Variants in RAP1GDS1 observed in about 807,000 individuals in gnomAD.
The protein encoded by RAP1GDS1 is RAP1, GTP-GDP dissociation stimulator 1.
A neutral mutation model predicts 71.1 loss-of-function variants in RAP1GDS1; 35 were observed. That is an observed-to-expected ratio of 0.49 (90% CI 0.38 to 0.65). The LOEUF (loss-of-function observed/expected upper bound fraction) is 0.65, where lower values mean the gene tolerates loss of function less well. RAP1GDS1 is among the 30% of genes least tolerant of loss of function. The pLI is 0.00. For synonymous variants in RAP1GDS1, 229 were observed against 243.1 expected (o/e 0.94, Z 0.54); for missense variants, 663 against 706.1 (o/e 0.94, Z 0.69).
At chr4:98,340,564 A>T (rs1735347240) in intron 2 of RAP1GDS1, among the ~76,000 whole-genome samples, 1 of 152,044 alleles carries the variant, frequency 6.6e-6, no homozygotes, top group Non-Finnish European at 1.5e-5. Context: ...CCTGGCCAAC[A>T]TAGCAAAACC....
At chr4:98,370,985 G>A (rs1264875320) in intron 4 of RAP1GDS1, among the ~76,000 whole-genome samples, 2 of 152,140 alleles carry the variant, frequency 1.3e-5, no homozygotes, top group Non-Finnish European at 1.5e-5. Context: ...CAAAGCCTAA[G>A]TTAAAACTTA....
intron 2 of RAP1GDS1, among the ~76,000 whole-genome samples, chr4:98,298,471 A>G (rs1242112906): frequency 6.6e-6 from 1 of 152,154 alleles, no homozygotes. Context: ...GCATTCATTT[A>G]CCATTCTGAA....
Position 98,419,259 on chromosome 4 carries a change from G to A in RAP1GDS1, c.1174+468G>A, listed in dbSNP as rs1748463625. Among the ~76,000 whole-genome samples, 3 of 151,418 alleles carry A rather than the reference G, an allele frequency of 2.0e-5. No homozygotes were observed. In the South Asian group the frequency reaches 6.3e-4, roughly 32 times the overall value. On this transcript the variant is annotated intron_variant, in intron 10 of 14. Transcript: ENST00000408927. ...TGTAGAAACAGGATCTCACTATGTTGCCTAGGCTGGTCTTGAACTCCTGGG... is the reference window on the plus strand; with the variant it reads ...TGTAGAAACAGGATCTCACTATGTTACCTAGGCTGGTCTTGAACTCCTGGG...
intron 1 of RAP1GDS1, among the ~76,000 whole-genome samples, chr4:98,282,022 T>A (rs1259346739): frequency 6.6e-6 from 1 of 152,218 alleles, no homozygotes; most frequent in Admixed American, 6.5e-5. Flanking sequence ...AGTATTTTAT[T>A]GAAGATGTTT....
chr4:98,361,140 G>T (rs6828936), intron 4 of RAP1GDS1, among the ~76,000 whole-genome samples: 21,092 of 149,806 alleles, frequency 0.14, 2,157 homozygotes, highest in African/African-American at 0.28. Flanking sequence ...GTTTTTACCC[G>T]TTGAGAAACT....
At chr4:98,299,619 G>T (rs552385583) in intron 2 of RAP1GDS1, among the ~76,000 whole-genome samples, 62 of 144,890 alleles carry the variant, frequency 4.3e-4, no homozygotes, top group African/African-American at 9.1e-4. Flanking sequence ...AAAGAAAGTG[G>T]TTTTTTTTTT....
chr4:98,417,011 G>A, intron 8 of RAP1GDS1, 123 bp downstream of exon 8: 2 of 1,137,692 alleles, frequency 1.8e-6, no homozygotes, highest in South Asian at 1.6e-5. Context: ...CTATTGAGGT[G>A]ATGATTTTGA....
At chr4:98,344,824 T>C in intron 3 of RAP1GDS1, among the ~76,000 whole-genome samples, 1 of 152,010 alleles carries the variant, frequency 6.6e-6, no homozygotes, top group Non-Finnish European at 1.5e-5. Context: ...TGAGTGTTTT[T>C]GTTTGTTTGT....
chr4:98,435,797 C>T (rs973403981), intron 13 of RAP1GDS1, among the ~76,000 whole-genome samples: 1 of 151,818 alleles, frequency 6.6e-6, no homozygotes, highest in African/African-American at 2.4e-5. Flanking sequence ...GAGTTAATAT[C>T]GGTATAAGTC....
chr4:98,435,292 G>T (rs898251571), intron 13 of RAP1GDS1, among the ~76,000 whole-genome samples: 1 of 152,162 alleles, frequency 6.6e-6, no homozygotes, highest in Non-Finnish European at 1.5e-5. Flanking sequence ...AGTGTGTAAT[G>T]ATCAAGTCAA....
chr4:98,324,798 G>A (rs1388100916), intron 2 of RAP1GDS1, among the ~76,000 whole-genome samples: 1 of 150,414 alleles, frequency 6.6e-6, no homozygotes, highest in African/African-American at 2.5e-5. Context: ...TTAAACGTTA[G>A]ACCTAAAACC....
At chr4:98,424,907 A>G (rs996430205) in intron 12 of RAP1GDS1, among the ~76,000 whole-genome samples, 3 of 152,228 alleles carry the variant, frequency 2.0e-5, no homozygotes, top group African/African-American at 7.2e-5. Flanking sequence ...ATTCATTGCA[A>G]AAAGATCATT....
intron 7 of RAP1GDS1, among the ~76,000 whole-genome samples, chr4:98,407,659 A>G (rs1746336696): frequency 6.6e-6 from 1 of 152,136 alleles, no homozygotes; most frequent in African/African-American, 2.4e-5. Flanking sequence ...GATAGAATGG[A>G]CTTTGGAGAC....
At chr4:98,417,544 GTTTATT>G in intron 9 of RAP1GDS1, 46 bp downstream of exon 9, 2 of 1,577,228 alleles carry the variant, frequency 1.3e-6, no homozygotes, top group Non-Finnish European at 1.7e-6. Context: ...CTCTATATTT[GTTTATT>G]TTTGCTTTGC....
In RAP1GDS1 at chr4:98,325,874, T is replaced by C. The variant is rs1380522651; in HGVS notation, c.113-17265T>C. Among the ~76,000 whole-genome samples, 5 of 150,804 alleles carry C rather than the reference T, an allele frequency of 3.3e-5. No homozygotes were observed. In the East Asian group the frequency reaches 7.8e-4, roughly 23 times the overall value. On this transcript the variant is annotated intron_variant, in intron 2 of 14. Transcript: ENST00000408927. ...CCAGCATGGCACATGTATACATATG[T>C]AACTAACGTGCACAATATGCACATG...
At chr4:98,429,612 A>G (rs191744208) in intron 12 of RAP1GDS1, among the ~76,000 whole-genome samples, 7 of 152,322 alleles carry the variant, frequency 4.6e-5, no homozygotes, top group Admixed American at 4.6e-4. Context: ...TTACTTATGT[A>G]ACCAAACACC....
intron 7 of RAP1GDS1, among the ~76,000 whole-genome samples, chr4:98,413,459 G>C (rs2110174419): frequency 6.6e-6 from 1 of 152,010 alleles, no homozygotes; most frequent in South Asian, 2.1e-4. Context: ...CTATGAGTGA[G>C]AATATGCAGT....
chr4:98,369,466 T>G (rs1415269604), intron 4 of RAP1GDS1, among the ~76,000 whole-genome samples: 1 of 152,198 alleles, frequency 6.6e-6, no homozygotes, highest in African/African-American at 2.4e-5. Context: ...CAACCCAATG[T>G]CAATCAGTAT....
At chr4:98,427,454 A>G (rs1044264169) in intron 12 of RAP1GDS1, among the ~76,000 whole-genome samples, 1 of 152,098 alleles carries the variant, frequency 6.6e-6, no homozygotes, top group Non-Finnish European at 1.5e-5. Flanking sequence ...ATGACTGTAT[A>G]CCTAGAAAAC....
Sources: gnomAD v4.1 joint callset for allele counts (sites outside exome capture counted in the v4.1 genomes callset) on GRCh38, gnomAD v4.1.1 for gene constraint, MANE v1.5 for transcripts, NCBI Gene and HGNC (gene_info 2026-07-23, HGNC 2026-07-21) for gene names.